HERC4: variants seen among roughly 807,000 people sequenced by gnomAD.
HERC4 encodes the protein probable E3 ubiquitin-protein ligase HERC4.
HERC4 carries 28 observed loss-of-function variants against 124.3 expected under a neutral mutation model. The ratio of observed to expected loss-of-function variants is 0.23; its 90% CI spans 0.17 to 0.31. HERC4 has a LOEUF of 0.31. HERC4 is among the 10% of genes least tolerant of loss of function. The pLI, the probability that HERC4 is intolerant of heterozygous loss-of-function variation, is 1.00. For synonymous variants in HERC4, 407 were observed against 421.5 expected, an observed-to-expected ratio of 0.97 and a Z score of 0.42; for missense variants, 713 against 1,229.3, an observed-to-expected ratio of 0.58 and a Z score of 6.28.
At chr10:67,965,810 A>G (rs2034828891) in intron 16 of HERC4, 1 of 147,000 alleles carries the variant, frequency 6.8e-6, no homozygotes, top group Non-Finnish European at 1.5e-5. Flanking sequence ...TGGGTACAGA[A>G]AAGTGGGCCT....
At chr10:68,044,616 A>G in intron 3 of HERC4, 53 bp from the exon 4 acceptor site, 1 of 1,505,296 alleles carries the variant, frequency 6.6e-7, no homozygotes, top group East Asian at 2.3e-5. Flanking sequence ...ATCAAGGAAA[A>G]AGATATTGCA....
In HERC4 at chr10:67,927,379, CATATATATATATATATATATATATAT is replaced by C. The variant is rs768914387; in HGVS notation, c.2839-2218_2839-2193del. 2.9e-3 allele frequency among the ~76,000 whole-genome samples: 256 copies of C among 88,018 alleles called. 7 individuals are homozygous for C. The highest frequency in any genetic ancestry group is 0.017 in the South Asian group (38 of 2,292). The allele number at this position is 88,018 out of a possible 152,430, so 57.7% of individuals were successfully genotyped here. A position where few individuals can be genotyped will look rare whatever the true frequency, so the allele number is the denominator to read the frequency against. Reference sequence around the variant, plus strand: ...ATCAAAGTGTTAAGAATAAATACACCATATATATATATATATATATATATATATATATATATATATATATATATATA... The same window carrying C: ...ATCAAAGTGTTAAGAATAAATACACCATATATATATATATATATATATATA... On this transcript the variant is annotated intron_variant, in intron 23 of 24. Coordinates refer to ENST00000373700, the MANE Select transcript of HERC4 (RefSeq NM_015601.4).
At chr10:68,049,898 G>T (rs1424939613) in intron 3 of HERC4, among the ~76,000 whole-genome samples, 1 of 151,942 alleles carries the variant, frequency 6.6e-6, no homozygotes, top group Non-Finnish European at 1.5e-5. Context: ...GAGATAGTAA[G>T]ACGGTCTCAA....
intron 23 of HERC4, among the ~76,000 whole-genome samples, chr10:67,929,608 G>A (rs1275545279): frequency 2.0e-5 from 3 of 151,696 alleles, no homozygotes; most frequent in Non-Finnish European, 2.9e-5. Flanking sequence ...TCTACCTCCC[G>A]GGCTCAAGGG....
chr10:68,068,861 T>C (rs1204817603), intron 3 of HERC4: 1 of 167,662 alleles, frequency 6.0e-6, no homozygotes, highest in Non-Finnish European at 1.2e-5. Context: ...CTTAATCTCT[T>C]TTAACCTCAG....
At position 67,954,349 on chromosome 10, in the gene HERC4, T is replaced by G. The variant is rs146414165; in HGVS notation, c.2337+246A>C. On this transcript the variant is annotated intron_variant, in intron 19 of 24. Transcript: ENST00000373700. The stretch of plus-strand genomic sequence containing the variant: ...CTCAAATTGAAATCAGCAGAAGGAA[T>G]AGTCAACATTATTTTCTGGCTAACC... 2.1e-3 allele frequency: 693 copies of G among 330,294 alleles called. 2 individuals carry two copies. The highest frequency in any genetic ancestry group is 2.7e-3 in the South Asian group (24 of 8,910). The allele number at this position is 330,294 out of a possible 1,614,324, so 20.5% of individuals were successfully genotyped here. A position where few individuals can be genotyped will look rare whatever the true frequency, so the allele number is the denominator to read the frequency against.
Position 68,075,257 on chromosome 10 carries a change from G to A in HERC4, c.-222C>T, listed in dbSNP as rs988346204. 1.3e-5 allele frequency: 2 copies of A among 153,160 alleles called. No homozygotes were observed. The allele number at this position is 153,160 out of a possible 1,614,324, so 9.5% of individuals were successfully genotyped here. A position where few individuals can be genotyped will look rare whatever the true frequency, so the allele number is the denominator to read the frequency against. ...GAGGCAAGCGGGGCGGAGAGCACCA[G>A]GGGTGGGGAGAGTTGGGGAAGAGAC... On this transcript the variant is annotated 5_prime_UTR_variant, in exon 1 of 25. Coordinates refer to ENST00000373700, the MANE Select transcript of HERC4 (RefSeq NM_015601.4).
intron 3 of HERC4, among the ~76,000 whole-genome samples, chr10:68,071,217 T>C (rs1319154388): frequency 6.6e-6 from 1 of 152,220 alleles, no homozygotes; most frequent in East Asian, 1.9e-4. Context: ...AGTGCAATCA[T>C]CACAATGTCA....
chr10:67,957,642 C>T (rs967739139), intron 16 of HERC4, among the ~76,000 whole-genome samples: 3 of 152,146 alleles, frequency 2.0e-5, no homozygotes, highest in Admixed American at 1.3e-4. Context: ...GCCAGTCACA[C>T]ATTCTTGTAG....
At chr10:68,044,665 T>C in intron 3 of HERC4, 102 bp from the exon 4 acceptor site, 2 of 1,019,530 alleles carry the variant, frequency 2.0e-6, no homozygotes, top group Non-Finnish European at 2.9e-6. Context: ...AAACACATTC[T>C]TCATTTTATA....
chr10:68,001,138 A>G (rs1380323418), intron 9 of HERC4, among the ~76,000 whole-genome samples: 1 of 152,186 alleles, frequency 6.6e-6, no homozygotes, highest in East Asian at 1.9e-4. Context: ...TGGGACGTCA[A>G]GGCAGGAGGA....
At chr10:67,934,229 T>TGTTAACATTTCTATATTA (rs1157942167) in intron 22 of HERC4, among the ~76,000 whole-genome samples, 2 of 152,218 alleles carry the variant, frequency 1.3e-5, no homozygotes, top group Non-Finnish European at 2.9e-5. Flanking sequence ...GTTCAATATT[T>TGTTAACATTTCTATATTA]GTTAACATTT....
intron 3 of HERC4, among the ~76,000 whole-genome samples, chr10:68,066,053 T>C (rs1332842832): frequency 6.6e-6 from 1 of 152,076 alleles, no homozygotes; most frequent in Non-Finnish European, 1.5e-5. Context: ...TCCTCATTAG[T>C]GTTACCCATT....
intron 5 of HERC4, among the ~76,000 whole-genome samples, chr10:68,037,010 T>C (rs1200865400): frequency 1.3e-5 from 2 of 152,036 alleles, no homozygotes; most frequent in African/African-American, 4.8e-5. Flanking sequence ...TTCCCCATGG[T>C]TCCTAGTGCT....
chr10:68,029,938 C>A (rs561698167), intron 7 of HERC4, among the ~76,000 whole-genome samples: 102 of 151,338 alleles, frequency 6.7e-4, no homozygotes, highest in African/African-American at 2.4e-3. Context: ...CAGAGTTTCA[C>A]CACGTTGGCC....
At chr10:68,026,149 G>C (rs1413001647) in intron 7 of HERC4, among the ~76,000 whole-genome samples, 1 of 152,160 alleles carries the variant, frequency 6.6e-6, no homozygotes, top group Non-Finnish European at 1.5e-5. Context: ...AGGCTTGAGT[G>C]CCGTGGCATG....
At chr10:67,928,151 T>A (rs187697301) in intron 23 of HERC4, among the ~76,000 whole-genome samples, 1 of 152,150 alleles carries the variant, frequency 6.6e-6, no homozygotes, top group Admixed American at 6.5e-5. Context: ...GGTTCTAGGC[T>A]CAGCAGAGGT....
intron 3 of HERC4, among the ~76,000 whole-genome samples, chr10:68,060,588 AT>A (rs1282454166): frequency 6.6e-6 from 1 of 152,112 alleles, no homozygotes. Context: ...CTCCAATTAT[AT>A]GGTTTATGTG....
At chr10:68,040,302 C>T (rs186443836) in intron 4 of HERC4, 7 of 971,942 alleles carry the variant, frequency 7.2e-6, no homozygotes, top group African/African-American at 7.0e-5. Context: ...TATTCTTCTG[C>T]GTCATTACTG....
Sources: allele counts gnomAD v4.1 joint callset (sites outside exome capture counted in the v4.1 genomes callset), GRCh38; gene constraint gnomAD v4.1.1; transcripts MANE v1.5; gene names NCBI Gene and HGNC (gene_info 2026-07-23, HGNC 2026-07-21).